Variants in VPS13B observed in about 807,000 individuals in gnomAD.
VPS13B encodes intermembrane lipid transfer protein VPS13B.
A neutral mutation model predicts 426.4 loss-of-function variants in VPS13B; 285 were observed. That is an observed-to-expected ratio of 0.67 (90% CI 0.61 to 0.74). The LOEUF (loss-of-function observed/expected upper bound fraction) is 0.74. VPS13B is among the 30% of genes least tolerant of loss of function. The pLI is 0.00. For missense variants in VPS13B, 4,537 were observed against 4,782.6 expected, an observed-to-expected ratio of 0.95 and a Z score of 1.51; for synonymous variants, 1,676 against 1,676.4, an observed-to-expected ratio of 1.00 and a Z score of 0.01.
chr8:99,742,252 A>G (rs570783991), intron 39 of VPS13B, among the ~76,000 whole-genome samples: 1 of 152,370 alleles, frequency 6.6e-6, no homozygotes, highest in African/African-American at 2.4e-5. Context: ...CTCGACACAT[A>G]CACCCTCCCA....
In VPS13B at chr8:99,559,361, C is replaced by G. The variant is rs555391170; in HGVS notation, c.4949+2708C>G. Among the ~76,000 whole-genome samples the G allele has an allele frequency of 4.5e-4, 69 of 152,166 alleles. 1 individual carries two copies. In the South Asian group the frequency reaches 5.8e-3, roughly 13 times the overall value. On this transcript the variant is annotated intron_variant, in intron 31 of 61. Transcript: ENST00000357162. ...TGTTCTCCCATTCTGTAGGTTGCCT[C>G]TTCACTCTGATGGTAGTTTCTTTTG... is the stretch of plus-strand genomic sequence containing the variant.
At chr8:99,086,188 T>G (rs570395220) in intron 3 of VPS13B, among the ~76,000 whole-genome samples, 1 of 152,302 alleles carries the variant, frequency 6.6e-6, no homozygotes, top group South Asian at 2.1e-4. Flanking sequence ...AAACTTCTCT[T>G]CTGGCTTCAT....
intron 30 of VPS13B, among the ~76,000 whole-genome samples, chr8:99,534,571 T>C (rs16897439): frequency 0.061 from 9,284 of 152,210 alleles, 372 homozygotes; most frequent in African/African-American, 0.11. Context: ...GCTGGTGTAC[T>C]TTCATTGAGG....
chr8:99,759,414 A>G (rs368759043), intron 39 of VPS13B, among the ~76,000 whole-genome samples: 6 of 152,254 alleles, frequency 3.9e-5, no homozygotes, highest in East Asian at 1.9e-4. Context: ...CACCATTTTC[A>G]TATCCTCTTT....
At chr8:99,622,226 T>A (rs1401223366) in intron 33 of VPS13B, among the ~76,000 whole-genome samples, 1 of 152,174 alleles carries the variant, frequency 6.6e-6, no homozygotes, top group Non-Finnish European at 1.5e-5. Context: ...TTTAATGTAA[T>A]CTCACACCAT....
chr8:99,234,167 A>G, intron 17 of VPS13B: 4 of 780,468 alleles, frequency 5.1e-6, no homozygotes, highest in Non-Finnish European at 9.5e-6. Context: ...TCACCTCTTC[A>G]TCCAGGATGT....
intron 15 of VPS13B, among the ~76,000 whole-genome samples, chr8:99,163,327 C>T (rs1189685624): frequency 6.6e-6 from 1 of 152,268 alleles, no homozygotes; most frequent in African/African-American, 2.4e-5. Flanking sequence ...AGGAGCCCAG[C>T]TGGCTTCACC....
chr8:99,383,811 G>T (rs1813968934), intron 19 of VPS13B, among the ~76,000 whole-genome samples: 2 of 152,088 alleles, frequency 1.3e-5, no homozygotes. Context: ...TCTTTTTATG[G>T]ATAAATACTT....
At chr8:99,428,178 A>C (rs573907899) in intron 21 of VPS13B, among the ~76,000 whole-genome samples, 5 of 152,228 alleles carry the variant, frequency 3.3e-5, no homozygotes, top group Non-Finnish European at 7.3e-5. Flanking sequence ...TAAAAGTATA[A>C]AAACCCTAGA....
At chr8:99,244,976 A>C (rs1316367739) in intron 17 of VPS13B, among the ~76,000 whole-genome samples, 1 of 152,190 alleles carries the variant, frequency 6.6e-6, no homozygotes. Context: ...TTTGTTATCT[A>C]CCAGAGCTTA....
intron 17 of VPS13B, among the ~76,000 whole-genome samples, chr8:99,251,691 T>C (rs953876169): frequency 8.5e-5 from 13 of 152,156 alleles, no homozygotes; most frequent in Admixed American, 5.9e-4. Flanking sequence ...CTTCATAAAA[T>C]GAAATGGAAA....
At chr8:99,874,938 C>T (rs1817619228) in intron 61 of VPS13B, 1 of 169,264 alleles carries the variant, frequency 5.9e-6, no homozygotes, top group Non-Finnish European at 1.3e-5. Flanking sequence ...CCGTCCAAAG[C>T]CACTGGTTTG....
intron 30 of VPS13B, chr8:99,536,604 T>G (rs201852061): frequency 3.8e-6 from 2 of 531,080 alleles, no homozygotes; most frequent in Middle Eastern, 3.2e-4. Flanking sequence ...TTTTGTATCC[T>G]GGGACCCCAT....
intron 15 of VPS13B, among the ~76,000 whole-genome samples, chr8:99,169,726 G>A (rs530530543): frequency 2.6e-5 from 4 of 152,028 alleles, no homozygotes; most frequent in African/African-American, 9.6e-5. Context: ...ATGGAAAAAT[G>A]TATATTTTAG....
chr8:99,196,372 A>G (rs1274566565), intron 17 of VPS13B, among the ~76,000 whole-genome samples: 2 of 151,990 alleles, frequency 1.3e-5, no homozygotes, highest in Non-Finnish European at 2.9e-5. Flanking sequence ...TTAATGCATA[A>G]AAATGGTACT....
At chr8:99,134,560 T>C in intron 8 of VPS13B, 72 bp from the exon 9 acceptor site, 1 of 1,244,256 alleles carries the variant, frequency 8.0e-7, no homozygotes, top group Non-Finnish European at 1.1e-6. Flanking sequence ...TTTAATCAAT[T>C]AATCATCATA....
chr8:99,558,167 TTTAAC>T (rs1195039401), intron 31 of VPS13B, among the ~76,000 whole-genome samples: 3 of 152,176 alleles, frequency 2.0e-5, no homozygotes, highest in Non-Finnish European at 2.9e-5. Flanking sequence ...ACCCAGTTTA[TTTAAC>T]TTAATTTTCA....
chr8:99,812,037 G>T (rs1353286072), intron 44 of VPS13B, among the ~76,000 whole-genome samples: 1 of 152,016 alleles, frequency 6.6e-6, no homozygotes. Flanking sequence ...AAATTTCAGG[G>T]ATAAATTAAT....
chr8:99,504,833 C>A (rs376347252), intron 27 of VPS13B, among the ~76,000 whole-genome samples: 5 of 152,290 alleles, frequency 3.3e-5, no homozygotes, highest in East Asian at 3.9e-4. Flanking sequence ...TAAACCCAGG[C>A]ATTGACTTCT....
Sources: allele counts gnomAD v4.1 joint callset (sites outside exome capture counted in the v4.1 genomes callset), GRCh38; gene constraint gnomAD v4.1.1; transcripts MANE v1.5; gene names NCBI Gene and HGNC (gene_info 2026-07-23, HGNC 2026-07-21).